The following NEGR1 variants were observed in gnomAD, a reference collection of about 807,000 sequenced individuals.
The protein encoded by NEGR1 is neuronal growth regulator 1.
A neutral mutation model predicts 40.9 loss-of-function variants in NEGR1; 10 were observed. The observed-to-expected ratio is 0.24, with a 90% CI of 0.15 to 0.42. The LOEUF is 0.42. Ranked by LOEUF, NEGR1 falls within the 10% of genes least tolerant of loss-of-function variation. The pLI is 1.00. For synonymous variants in NEGR1, 185 were observed against 166.8 expected (o/e 1.11, Z -0.84); for missense variants, 352 against 438.9 (o/e 0.80, Z 1.77).
chr1:71,769,043 A>G (rs1306326806), intron 3 of NEGR1, among the ~76,000 whole-genome samples: 1 of 150,140 alleles, frequency 6.7e-6, no homozygotes, highest in African/African-American at 2.4e-5. Flanking sequence ...CAGCCTACAG[A>G]ACTGTGATTA....
At chr1:72,137,871 T>A (rs1329570662) in intron 1 of NEGR1, among the ~76,000 whole-genome samples, 1 of 152,080 alleles carries the variant, frequency 6.6e-6, no homozygotes, top group Non-Finnish European at 1.5e-5. Flanking sequence ...AGATTTCTTG[T>A]CAAAACTATG....
At position 71,776,279 on chromosome 1, in the gene NEGR1, T is replaced by A; in HGVS notation, c.428A>T (p.Asp143Val). 3 of 1,599,114 alleles carry A rather than the reference T, an allele frequency of 1.9e-6. No individual in the cohort carries two copies. Among genetic ancestry groups the A allele is most frequent in the Non-Finnish European group, 2.6e-6 (3 of 1,170,292 alleles). ...ATTGACGGTCATATCATTTGAGATG[T>A]CATATATCTTAGGAGGAACTGAAAT... ...LTVQVPPKIYDISNDMTVNEG... is the reference protein window; with the variant it reads ...LTVQVPPKIYVISNDMTVNEG... The change falls in exon 3 of 7, where the codon GAC (aspartate) becomes GTC (valine). Residue 143 changes from aspartate to valine, a missense_variant. Transcript: ENST00000357731.
At chr1:71,775,513 T>A (rs1474951928) in intron 3 of NEGR1, among the ~76,000 whole-genome samples, 1 of 151,676 alleles carries the variant, frequency 6.6e-6, no homozygotes, top group Admixed American at 6.6e-5. Flanking sequence ...ACCCTTCTAA[T>A]TTTTGTATTT....
At chr1:72,039,462 T>G (rs1193486255) in intron 1 of NEGR1, among the ~76,000 whole-genome samples, 2 of 152,010 alleles carry the variant, frequency 1.3e-5, no homozygotes, top group African/African-American at 4.8e-5. Context: ...AGTCTCTTGG[T>G]AAAGTAATAA....
chr1:71,869,951 C>T (rs1316366289), intron 2 of NEGR1, among the ~76,000 whole-genome samples: 1 of 150,534 alleles, frequency 6.6e-6, no homozygotes, highest in African/African-American at 2.5e-5. Flanking sequence ...ATGACTTTGG[C>T]TCACTGCAAC....
chr1:71,899,590 C>A (rs560238903), intron 2 of NEGR1, among the ~76,000 whole-genome samples: 1 of 152,028 alleles, frequency 6.6e-6, no homozygotes. Flanking sequence ...CCAGTATCTG[C>A]GTATAACCCC....
At chr1:71,482,777 A>C (rs760494476) in intron 6 of NEGR1, among the ~76,000 whole-genome samples, 10 of 151,864 alleles carry the variant, frequency 6.6e-5, no homozygotes, top group Non-Finnish European at 1.3e-4. Context: ...CCTAAGTGTT[A>C]TTAATTCATT....
intron 1 of NEGR1, among the ~76,000 whole-genome samples, chr1:72,227,232 G>A (rs1360120783): frequency 6.6e-6 from 1 of 152,030 alleles, no homozygotes; most frequent in Non-Finnish European, 1.5e-5. Context: ...AGAATTAAAA[G>A]TAATGTTATG....
chr1:71,996,140 G>A (rs1162444065), intron 1 of NEGR1, among the ~76,000 whole-genome samples: 1 of 152,054 alleles, frequency 6.6e-6, no homozygotes, highest in Non-Finnish European at 1.5e-5. Context: ...ACCACTGGAT[G>A]TATAATAAAT....
At chr1:71,985,548 A>G (rs779648025) in intron 1 of NEGR1, among the ~76,000 whole-genome samples, 1 of 152,186 alleles carries the variant, frequency 6.6e-6, no homozygotes, top group Non-Finnish European at 1.5e-5. Flanking sequence ...TGGGGTCTAC[A>G]TAATTGTATG....
chr1:71,884,489 A>C (rs974047441), intron 2 of NEGR1, among the ~76,000 whole-genome samples: 3 of 152,236 alleles, frequency 2.0e-5, no homozygotes, highest in Non-Finnish European at 4.4e-5. Context: ...ATAGACCAAC[A>C]AAAGCAAATG....
intron 2 of NEGR1, among the ~76,000 whole-genome samples, chr1:71,913,012 T>C (rs1003022471): frequency 6.6e-6 from 1 of 152,192 alleles, no homozygotes; most frequent in Non-Finnish European, 1.5e-5. Context: ...AAAATTCTTA[T>C]CTGTTTGAGT....
At chr1:71,867,077 G>A (rs1660135691) in intron 2 of NEGR1, among the ~76,000 whole-genome samples, 1 of 152,234 alleles carries the variant, frequency 6.6e-6, no homozygotes, top group African/African-American at 2.4e-5. Flanking sequence ...TCCTGGCCGG[G>A]TACTGTGGCT....
At chr1:71,878,006 T>A (rs1024646574) in intron 2 of NEGR1, among the ~76,000 whole-genome samples, 6 of 152,202 alleles carry the variant, frequency 3.9e-5, no homozygotes, top group African/African-American at 1.4e-4. Flanking sequence ...TTGTCTTTGG[T>A]CTTCCTAACT....
intron 5 of NEGR1, among the ~76,000 whole-genome samples, chr1:71,602,678 T>C (rs1054025312): frequency 1.3e-5 from 2 of 152,218 alleles, no homozygotes; most frequent in Non-Finnish European, 2.9e-5. Flanking sequence ...GGGCTCTTAC[T>C]GTGCACTTTC....
At chr1:71,942,996 ATGTG>A (rs58716136) in intron 1 of NEGR1, among the ~76,000 whole-genome samples, 1 of 134,960 alleles carries the variant, frequency 7.4e-6, no homozygotes, top group African/African-American at 2.7e-5. Flanking sequence ...GTGTATATAT[ATGTG>A]TGTGTATATA....
At chr1:71,607,039 G>T (rs1044894401) in intron 5 of NEGR1, among the ~76,000 whole-genome samples, 1 of 152,148 alleles carries the variant, frequency 6.6e-6, no homozygotes, top group African/African-American at 2.4e-5. Context: ...GAAGTAAAGC[G>T]ATCGTATAAG....
At chr1:71,846,178 G>A (rs1196777585) in intron 2 of NEGR1, among the ~76,000 whole-genome samples, 1 of 152,018 alleles carries the variant, frequency 6.6e-6, no homozygotes, top group Non-Finnish European at 1.5e-5. Context: ...GCTGTCCTCT[G>A]AAGTTGAGCT....
chr1:71,803,147 G>T (rs756120397), intron 2 of NEGR1, among the ~76,000 whole-genome samples: 11 of 152,072 alleles, frequency 7.2e-5, no homozygotes, highest in Admixed American at 5.2e-4. Flanking sequence ...AACGTTAAAT[G>T]AGGTCATCTT....
Sources: allele counts gnomAD v4.1 joint callset (sites outside exome capture counted in the v4.1 genomes callset), GRCh38; gene constraint gnomAD v4.1.1; transcripts MANE v1.5; gene names NCBI Gene and HGNC (gene_info 2026-07-23, HGNC 2026-07-21).